The following KDM1A variants were observed in gnomAD, a reference collection of about 807,000 sequenced individuals.
The protein encoded by KDM1A is lysine-specific histone demethylase 1A.
KDM1A carries 49 observed loss-of-function variants against 109.4 expected under a neutral mutation model. That is an observed-to-expected ratio of 0.45 (90% confidence interval 0.36 to 0.57). The LOEUF is 0.57. Among genes scored for constraint, KDM1A ranks in the 20% least tolerant of loss-of-function variants. KDM1A has a pLI of 0.00. For synonymous variants in KDM1A, 380 were observed against 415.4 expected, an observed-to-expected ratio of 0.91 and a Z score of 1.04; for missense variants, 668 against 1,116.6, an observed-to-expected ratio of 0.60 and a Z score of 5.73.
rs765222197 is a variant in KDM1A, at chr1:23,050,398, G to A, written c.589G>A (p.Ala197Thr). ...GDGQASGVEG[A>T]AFQSRLPHDR... is the part of the protein sequence containing the mutation. ...GCTTTCTTCGTTAGGTGTGGAGGGC[G>A]CAGCTTTCCAGAGCCGACTTCCTCA... The change falls in exon 4 of 21, where the codon GCA (alanine) becomes ACA (threonine). Residue 197 changes from alanine (A) to threonine (T), a missense_variant. This residue lies in a region of KDM1A where 149 missense variants were observed against 189.7 expected (regional missense o/e 0.79). Coordinates refer to ENST00000400181, the MANE Select transcript of KDM1A (RefSeq NM_001009999.3). 2 of 1,609,230 alleles carry A rather than the reference G, an allele frequency of 1.2e-6. No homozygotes were observed. The highest frequency in any genetic ancestry group is 1.7e-6 in the Non-Finnish European group (2 of 1,177,868).
rs762729308 is a variant in KDM1A, at chr1:23,083,371, T to TG, written c.*8dup. ...GCAGTCCCCAAGCATGTGAGACAGA[T>TG]GCATTCTAAGGGAAGAGGCCCATGT... On this transcript the variant is annotated 3_prime_UTR_variant, in exon 21 of 21. Transcript: ENST00000400181. 2 of 1,608,838 alleles carry TG rather than the reference T, an allele frequency of 1.2e-6. No individual in the cohort carries two copies. Among genetic ancestry groups the TG allele is most frequent in the East Asian group, 2.2e-5 (1 of 44,770 alleles).
chr1:23,022,388 T>G (rs1363659545), intron 1 of KDM1A, among the ~76,000 whole-genome samples: 1 of 151,720 alleles, frequency 6.6e-6, no homozygotes, highest in Non-Finnish European at 1.5e-5. Context: ...CAGGCTGGAG[T>G]GCAGTGGCAT....
chr1:23,052,972 G>A (rs951735732), intron 4 of KDM1A, among the ~76,000 whole-genome samples: 1 of 151,976 alleles, frequency 6.6e-6, no homozygotes, highest in African/African-American at 2.4e-5. Flanking sequence ...ATTTCTTCTT[G>A]TTATCTTGGA....
chr1:23,058,343 T>C (rs2007023), intron 8 of KDM1A, among the ~76,000 whole-genome samples: 115,810 of 152,034 alleles, frequency 0.76, 44,788 homozygotes, highest in Non-Finnish European at 0.83. Context: ...CCTCCCAAAG[T>C]GCTAGGATTA....
intron 2 of KDM1A, among the ~76,000 whole-genome samples, chr1:23,037,478 G>A (rs1338831882): frequency 2.0e-5 from 3 of 152,122 alleles, no homozygotes; most frequent in Non-Finnish European, 4.4e-5. Flanking sequence ...ATGTTTTGAA[G>A]TATAAATACA....
intron 9 of KDM1A, among the ~76,000 whole-genome samples, chr1:23,063,206 GTGTGGTGTGGGGTGGGTGTGTGT>G (rs1197108304): frequency 1.6e-5 from 1 of 64,440 alleles, no homozygotes; most frequent in Non-Finnish European, 3.5e-5. Context: ...TGGGGGGGGG[GTGTGGTGTGGGGTGGGTGTGTGT>G]GGGTGTGTGT....
rs1232227314 is a variant in KDM1A at position 23,079,811 on chromosome 1, G to A, written c.2170+144G>A. ...TTCCTGAAATACCTTCTAGGTACTGGGGTATAAAAATACCTGCCTTCAAGG... is the reference window on the plus strand; with the variant it reads ...TTCCTGAAATACCTTCTAGGTACTGAGGTATAAAAATACCTGCCTTCAAGG... On this transcript the variant is annotated intron_variant, in intron 18 of 20. Transcript: ENST00000400181. The surrounding 1 kb of genome is among the most constrained non-coding windows in gnomAD (Gnocchi z 5.6). 1.9e-6 allele frequency: 1 copy of A among 515,096 alleles called. No homozygotes were observed. The highest frequency in any genetic ancestry group is 3.7e-5 in the East Asian group (1 of 26,892). 31.9% of individuals were successfully genotyped at this position (515,096 alleles called of 1,614,324 possible).
chr1:23,075,393 T>C (rs1210167322), intron 15 of KDM1A, among the ~76,000 whole-genome samples: 1 of 151,946 alleles, frequency 6.6e-6, no homozygotes, highest in Non-Finnish European at 1.5e-5. Flanking sequence ...AAGACCAGCC[T>C]GGCCCTGTCT....
At chr1:23,061,221 C>T (rs144243704) in intron 9 of KDM1A, among the ~76,000 whole-genome samples, 47 of 152,288 alleles carry the variant, frequency 3.1e-4, no homozygotes, top group African/African-American at 1.1e-3. Context: ...AAAGAAATTA[C>T]ACCACTAACC....
intron 12 of KDM1A, among the ~76,000 whole-genome samples, chr1:23,070,807 C>CA (rs375171669): frequency 0.036 from 4,281 of 119,822 alleles, 82 homozygotes; most frequent in African/African-American, 0.054. Flanking sequence ...GACTCTGTCT[C>CA]AAAAAAAAAA....
At chr1:23,026,435 G>A (rs1641807308) in intron 1 of KDM1A, among the ~76,000 whole-genome samples, 1 of 150,164 alleles carries the variant, frequency 6.7e-6, no homozygotes, top group Admixed American at 6.6e-5. Context: ...TGTCACCCAG[G>A]CTGGAGTGCA....
chr1:23,029,756 CAGCCTCCCGAGT>C lies in KDM1A; in HGVS notation c.352-709_352-698del, dbSNP rs1641920451. Among the ~76,000 whole-genome samples, 7 of 152,236 alleles carry C rather than the reference CAGCCTCCCGAGT, an allele frequency of 4.6e-5. No individual in the cohort carries two copies. In the South Asian group the frequency reaches 1.4e-3, roughly 31 times the overall value. On this transcript the variant is annotated intron_variant, in intron 1 of 20. Transcript: ENST00000400181. The stretch of plus-strand genomic sequence containing the variant: ...CCAGGTTCAAGCGATTCTCCTGCCT[CAGCCTCCCGAGT>C]AGCTGGGATTACAGGTGCCTGCCAA...
At chr1:23,030,884 A>C (rs1249349987) in intron 2 of KDM1A, among the ~76,000 whole-genome samples, 1 of 152,164 alleles carries the variant, frequency 6.6e-6, no homozygotes, top group Non-Finnish European at 1.5e-5. Flanking sequence ...ACAGGAGGAA[A>C]GTAAAGGGTG....
At chr1:23,020,153 C>CT (rs1641578381) in intron 1 of KDM1A, 1 of 489,768 alleles carries the variant, frequency 2.0e-6, no homozygotes, top group Admixed American at 4.4e-5. Flanking sequence ...GGTCTTTGTG[C>CT]TGGGTCCCGA....
chr1:23,081,994 C>CAG, intron 19 of KDM1A: 2 of 485,984 alleles, frequency 4.1e-6, no homozygotes, highest in Non-Finnish European at 3.6e-6. Flanking sequence ...GTGTAGATCT[C>CAG]TGGATTCATA....
intron 9 of KDM1A, among the ~76,000 whole-genome samples, chr1:23,060,811 CAG>C (rs756451073): frequency 7.9e-5 from 12 of 152,064 alleles, no homozygotes; most frequent in African/African-American, 2.4e-4. Flanking sequence ...GGTTTGAGAA[CAG>C]GGGAAATGAC....
intron 9 of KDM1A, among the ~76,000 whole-genome samples, chr1:23,061,684 G>T (rs1287830842): frequency 2.7e-5 from 4 of 147,214 alleles, no homozygotes; most frequent in African/African-American, 1.0e-4. Flanking sequence ...TTGAGACAGA[G>T]TCTTGCTCTG....
chr1:23,026,259 T>C (rs1481102340), intron 1 of KDM1A, among the ~76,000 whole-genome samples: 1 of 152,170 alleles, frequency 6.6e-6, no homozygotes, highest in Non-Finnish European at 1.5e-5. Flanking sequence ...AAAGTTTTTT[T>C]TTAATTTTTA....
In KDM1A at chr1:23,019,614, GGCGGCAGCCGCGGCGGCGGCGGCTGCA is replaced by G. The variant is rs762119456; in HGVS notation, c.27_53del (p.Ala10_Ala18del). The G allele has an allele frequency of 3.6e-4, 520 of 1,426,404 alleles. 4 individuals carry two copies. In the Admixed American group the frequency reaches 7.5e-3, roughly 21 times the overall value. The allele number at this position is 1,426,404 out of a possible 1,614,324, so 88.4% of individuals were successfully genotyped here. On this transcript the variant is annotated inframe_deletion, in exon 1 of 21. Transcript: ENST00000400181. ...GGCCCGAGATGTTATCTGGGAAGAA[GGCGGCAGCCGCGGCGGCGGCGGCTGCA>G]GCGGCAGCAACCGGGACGGAGGCTG...
Sources: gnomAD v4.1 joint callset for allele counts (sites outside exome capture counted in the v4.1 genomes callset) on GRCh38, gnomAD v4.1.1 for gene constraint, gnomAD v4.1.1 regional missense constraint, Gnocchi (gnomAD v3.1) non-coding constraint, MANE v1.5 for transcripts, NCBI Gene and HGNC (gene_info 2026-07-23, HGNC 2026-07-21) for gene names.